Variants in RIN3 observed in about 807,000 individuals in gnomAD.
RIN3 encodes RAB5 interacting protein 3.
In RIN3, 54 loss-of-function variants were observed where a neutral mutation model predicts 76.3. The observed-to-expected ratio is 0.71, with a 90% CI of 0.57 to 0.89. The LOEUF is 0.89. Among genes scored for constraint, RIN3 ranks in the 40% least tolerant of loss-of-function variants. The pLI is 0.00. For missense variants in RIN3, 1,256 were observed against 1,322.1 expected, an observed-to-expected ratio of 0.95 and a Z score of 0.78; for synonymous variants, 576 against 564.0, an observed-to-expected ratio of 1.02 and a Z score of -0.30.
chr14:92,527,046 CT>C lies in RIN3; in HGVS notation c.44+13092del, dbSNP rs1215618245. The stretch of plus-strand genomic sequence containing the variant: ...TGTGTCTGTCTGTGTTTCTCCCCAT[CT>C]TTTTTTTTTTTTTTTTTTTTTGAGA... On this transcript the variant is annotated intron_variant, in intron 1 of 9. Coordinates refer to ENST00000216487, the MANE Select transcript of RIN3 (RefSeq NM_024832.5). Among the ~76,000 whole-genome samples, 531 of 109,942 alleles carry C rather than the reference CT, an allele frequency of 4.8e-3. 3 individuals are homozygous for C. The highest frequency in any genetic ancestry group is 0.014 in the African/African-American group (356 of 24,730). The allele number at this position is 109,942 out of a possible 152,430, so 72.1% of individuals were successfully genotyped here. A position where few individuals can be genotyped will look rare whatever the true frequency, so the allele number is the denominator to read the frequency against.
intron 3 of RIN3, among the ~76,000 whole-genome samples, chr14:92,591,373 A>G (rs1884973298): frequency 6.6e-6 from 1 of 152,212 alleles, no homozygotes; most frequent in Admixed American, 6.5e-5. Context: ...TAACAGACAT[A>G]TAATGGGAAT....
At chr14:92,659,953 T>A (rs556676388) in intron 7 of RIN3, among the ~76,000 whole-genome samples, 55 of 152,320 alleles carry the variant, frequency 3.6e-4, no homozygotes, top group African/African-American at 1.3e-3. Flanking sequence ...GATCTTCACA[T>A]GGTGTGCTTC....
intron 1 of RIN3, among the ~76,000 whole-genome samples, chr14:92,536,557 C>A (rs962082960): frequency 6.6e-6 from 1 of 152,008 alleles, no homozygotes; most frequent in African/African-American, 2.4e-5. Flanking sequence ...TCCTGGCCAA[C>A]ATGGTGAAAC....
At chr14:92,541,495 C>G (rs969898317) in intron 1 of RIN3, among the ~76,000 whole-genome samples, 2 of 152,202 alleles carry the variant, frequency 1.3e-5, no homozygotes, top group Non-Finnish European at 1.5e-5. Context: ...AGGCTCAGAA[C>G]CACTCCATAT....
Position 92,520,992 on chromosome 14 carries a change from C to T in RIN3, c.44+7016C>T, listed in dbSNP as rs117139728. Among the ~76,000 whole-genome samples the T allele has an allele frequency of 3.6e-3, 542 of 152,260 alleles. 4 individuals are homozygous for T. The highest frequency in any genetic ancestry group is 0.017 in the Middle Eastern group (5 of 294). On this transcript the variant is annotated intron_variant, in intron 1 of 9. Coordinates refer to ENST00000216487, the MANE Select transcript of RIN3 (RefSeq NM_024832.5). Reference sequence around the variant, plus strand: ...TTCTTTCTGTTCTTGACATTTTTGACGGAGCATCCATCTAAACTATACTCA... The same window carrying T: ...TTCTTTCTGTTCTTGACATTTTTGATGGAGCATCCATCTAAACTATACTCA...
chr14:92,660,467 G>A lies in RIN3; in HGVS notation c.2335+998G>A, dbSNP rs536891103. ...GCTGGTCTAGGATGGCCTTGCTCAC[G>A]TGCTGAGTGGTTGATGAGCCGTTGG... On this transcript the variant is annotated intron_variant, in intron 7 of 9. Transcript: ENST00000216487. Among the ~76,000 whole-genome samples, 17 of 152,208 alleles carry A rather than the reference G, an allele frequency of 1.1e-4. No homozygotes were observed. The South Asian group carries it at 1.9e-3, about 17-fold the overall frequency.
rs1042520430 is a variant in RIN3, at chr14:92,537,958, C to G, written c.45-17793C>G. On this transcript the variant is annotated intron_variant, in intron 1 of 9. Transcript: ENST00000216487. The stretch of plus-strand genomic sequence containing the variant: ...TTCAAGTGATTCCTCTGCCTCAGCC[C>G]CCCAAGTAGCTGGGACTACAGGCGC... 3.3e-5 allele frequency among the ~76,000 whole-genome samples: 5 copies of G among 152,128 alleles called. No homozygotes were observed. The South Asian group carries it at 8.3e-4, about 25-fold the overall frequency.
chr14:92,662,644 C>T (rs1209765517), intron 7 of RIN3, among the ~76,000 whole-genome samples: 1 of 152,150 alleles, frequency 6.6e-6, no homozygotes, highest in Non-Finnish European at 1.5e-5. Flanking sequence ...AATCGTTTCC[C>T]CTGGGTTTGC....
At chr14:92,627,494 G>T (rs768082289) in intron 4 of RIN3, among the ~76,000 whole-genome samples, 1 of 152,156 alleles carries the variant, frequency 6.6e-6, no homozygotes, top group Admixed American at 6.5e-5. Context: ...AAGCAGCACC[G>T]CAAGCAGTGG....
chr14:92,642,940 G>C (rs1887071069), intron 5 of RIN3, among the ~76,000 whole-genome samples: 1 of 152,188 alleles, frequency 6.6e-6, no homozygotes, highest in Non-Finnish European at 1.5e-5. Flanking sequence ...TTCTATGGCA[G>C]AGGAAACTGA....
intron 6 of RIN3, among the ~76,000 whole-genome samples, chr14:92,654,770 C>T (rs757157741): frequency 2.6e-5 from 4 of 152,168 alleles, no homozygotes; most frequent in African/African-American, 7.2e-5. Context: ...CACCCAACTC[C>T]GCATCAGGTG....
At chr14:92,522,340 A>G (rs1342213592) in intron 1 of RIN3, among the ~76,000 whole-genome samples, 3 of 144,894 alleles carry the variant, frequency 2.1e-5, no homozygotes, top group Non-Finnish European at 4.4e-5. Context: ...GTGTGTGTGC[A>G]TGTGCTATTG....
At chr14:92,672,244 A>G (rs1325381195) in intron 7 of RIN3, among the ~76,000 whole-genome samples, 2 of 146,014 alleles carry the variant, frequency 1.4e-5, no homozygotes, top group Non-Finnish European at 3.0e-5. Flanking sequence ...CATCTCTACT[A>G]AAAAAAAAAA....
At chr14:92,651,434 AG>A in intron 5 of RIN3, 147 bp from the exon 6 acceptor site, 2 of 536,430 alleles carry the variant, frequency 3.7e-6, no homozygotes, top group South Asian at 4.2e-5. Flanking sequence ...AGCGTCCAAG[AG>A]GGGAAAACAA....
chr14:92,582,295 C>T (rs1225070172), intron 3 of RIN3, among the ~76,000 whole-genome samples: 1 of 151,808 alleles, frequency 6.6e-6, no homozygotes, highest in East Asian at 1.9e-4. Context: ...TTTAAAAATT[C>T]AGTGCTCAAT....
At chr14:92,630,155 C>T (rs1010758274) in intron 4 of RIN3, among the ~76,000 whole-genome samples, 3 of 152,130 alleles carry the variant, frequency 2.0e-5, no homozygotes, top group Non-Finnish European at 4.4e-5. Flanking sequence ...ATGATAATAT[C>T]GTTATATTGG....
chr14:92,537,839 TTA>T lies in RIN3; in HGVS notation c.45-17910_45-17909del, dbSNP rs1491022049. The stretch of plus-strand genomic sequence containing the variant: ...GCTAATTTTATTTATTTTATTTTAT[TTA>T]TTTTTTTTTTTTTGAGACGGAGTCT... On this transcript the variant is annotated intron_variant, in intron 1 of 9. Coordinates refer to ENST00000216487, the MANE Select transcript of RIN3 (RefSeq NM_024832.5). Among the ~76,000 whole-genome samples the T allele has an allele frequency of 1.3e-3, 167 of 126,996 alleles. 1 individual carries two copies. The highest frequency in any genetic ancestry group is 4.4e-3 in the African/African-American group (156 of 35,170). 83.3% of individuals were successfully genotyped at this position (126,996 alleles called of 152,430 possible).
intron 1 of RIN3, among the ~76,000 whole-genome samples, chr14:92,549,190 G>C (rs1897355318): frequency 6.6e-6 from 1 of 152,164 alleles, no homozygotes; most frequent in East Asian, 1.9e-4. Context: ...TGTTGAAGCT[G>C]GGAGGCCACG....
chr14:92,611,562 G>T (rs968237300), intron 3 of RIN3, among the ~76,000 whole-genome samples: 4 of 152,220 alleles, frequency 2.6e-5, no homozygotes, highest in Admixed American at 2.0e-4. Context: ...CCATCACATG[G>T]CCTTCTTATG....
Sources: gnomAD v4.1 joint callset for allele counts (sites outside exome capture counted in the v4.1 genomes callset) on GRCh38, gnomAD v4.1.1 for gene constraint, MANE v1.5 for transcripts, NCBI Gene and HGNC (gene_info 2026-07-23, HGNC 2026-07-21) for gene names.